NOL4: variants seen among roughly 807,000 people sequenced by gnomAD.
NOL4 encodes nucleolar protein 4, also known as cancer/testis antigen 125.
A neutral mutation model predicts 75.9 loss-of-function variants in NOL4; 17 were observed. That is an observed-to-expected ratio of 0.22 (90% confidence interval 0.15 to 0.34). The LOEUF is 0.34. Ranked by LOEUF, NOL4 falls within the 10% of genes least tolerant of loss-of-function variation. The probability of loss-of-function intolerance (pLI) is 1.00; values close to 1 mark genes in which losing one functional copy is unlikely to be tolerated. For missense variants in NOL4, 614 were observed against 793.5 expected (o/e 0.77, Z 2.72); for synonymous variants, 292 against 289.9 (o/e 1.01, Z -0.07).
intron 5 of NOL4, among the ~76,000 whole-genome samples, chr18:34,059,428 G>A (rs942640954): frequency 4.6e-5 from 7 of 151,838 alleles, no homozygotes; most frequent in Admixed American, 1.3e-4. Context: ...GTTCCTCACT[G>A]ACTGGTTAAT....
intron 1 of NOL4, among the ~76,000 whole-genome samples, chr18:34,218,987 C>A (rs1338653172): frequency 3.9e-5 from 6 of 152,136 alleles, no homozygotes; most frequent in Non-Finnish European, 8.8e-5. Context: ...AGAAAAATAA[C>A]AAAAACAGTT....
At chr18:33,953,651 C>T (rs117100920) in intron 8 of NOL4, among the ~76,000 whole-genome samples, 13 of 152,234 alleles carry the variant, frequency 8.5e-5, no homozygotes, top group Non-Finnish European at 1.0e-4. Flanking sequence ...TCAAGAGGAA[C>T]TTACTGGTGT....
intron 5 of NOL4, among the ~76,000 whole-genome samples, chr18:34,091,234 G>A (rs1362099469): frequency 6.6e-6 from 1 of 151,312 alleles, no homozygotes; most frequent in Admixed American, 6.6e-5. Context: ...GTGGTGGTGT[G>A]TGCCTGTAGC....
intron 2 of NOL4, among the ~76,000 whole-genome samples, chr18:34,108,277 C>T (rs2079409289): frequency 6.6e-6 from 1 of 151,374 alleles, no homozygotes; most frequent in African/African-American, 2.4e-5. Flanking sequence ...AAGGAAGAGA[C>T]CAAGAAAGGA....
intron 6 of NOL4, among the ~76,000 whole-genome samples, chr18:34,012,438 T>C (rs1421796668): frequency 6.6e-6 from 1 of 151,894 alleles, no homozygotes. Context: ...TAAAAAAATG[T>C]ATCCAGTAAT....
intron 9 of NOL4, among the ~76,000 whole-genome samples, chr18:33,887,227 T>C (rs2064797204): frequency 2.0e-5 from 3 of 149,008 alleles, no homozygotes; most frequent in African/African-American, 7.4e-5. Context: ...AAAAAATAAA[T>C]CACAGAAATC....
intron 5 of NOL4, among the ~76,000 whole-genome samples, chr18:34,053,628 A>G (rs2145010821): frequency 6.6e-6 from 1 of 152,034 alleles, no homozygotes; most frequent in East Asian, 1.9e-4. Flanking sequence ...TTCATACATA[A>G]TGTCCAGACT....
At chr18:34,026,678 T>C (rs987301565) in intron 5 of NOL4, among the ~76,000 whole-genome samples, 4 of 152,172 alleles carry the variant, frequency 2.6e-5, no homozygotes, top group Admixed American at 6.6e-5. Flanking sequence ...GATATTATTA[T>C]AAACGATATT....
At position 33,980,156 on chromosome 18, in the gene NOL4, C is replaced by G. The variant is rs913347737; in HGVS notation, c.1057-21738G>C. On this transcript the variant is annotated intron_variant, in intron 6 of 10. Transcript: ENST00000261592. ...CTATTCAAAAAATCAGACAGACAAA[C>G]AGGTAGATAGAGAGAATCACAACTC... Among the ~76,000 whole-genome samples the G allele has an allele frequency of 1.4e-4, 22 of 151,960 alleles. 1 individual carries two copies. The highest frequency in any genetic ancestry group is 7.2e-4 in the Admixed American group (11 of 15,242).
chr18:34,192,229 C>T (rs2034970816), intron 1 of NOL4, among the ~76,000 whole-genome samples: 1 of 152,096 alleles, frequency 6.6e-6, no homozygotes, highest in African/African-American at 2.4e-5. Flanking sequence ...ATTGATGACA[C>T]AAATAAATGA....
chr18:34,209,071 C>T (rs942291856), intron 1 of NOL4, among the ~76,000 whole-genome samples: 7 of 149,818 alleles, frequency 4.7e-5, no homozygotes, highest in South Asian at 2.1e-4. Flanking sequence ...ATTAGCTGGG[C>T]GTGATGGTGG....
chr18:33,958,512 T>C (rs1405981720), intron 6 of NOL4, 94 bp from the exon 7 acceptor site: 17 of 1,169,726 alleles, frequency 1.5e-5, no homozygotes, highest in Non-Finnish European at 4.7e-6. Context: ...TTCTCAAAAA[T>C]CTTGTTTATG....
Position 33,883,277 on chromosome 18 carries a change from C to T in NOL4, c.1690G>A (p.Gly564Ser), listed in dbSNP as rs1231363845. 6 of 1,606,112 alleles carry T rather than the reference C, an allele frequency of 3.7e-6. No individual in the cohort carries two copies. Among genetic ancestry groups the T allele is most frequent in the Non-Finnish European group, 5.1e-6 (6 of 1,177,106 alleles). The part of the protein sequence containing the change: ...SYHSYRGLGG[G>S]LLNLNDASSS... ...GAAGCATCATTCAGATTTAGCAGAC[C>T]CCCTCCTAGCCCTCTGTAACTATGG... Residue 564 changes from glycine (G) to serine (S), a missense_variant, in exon 10 of 11, where the codon GGT becomes AGT. Transcript: ENST00000261592.
chr18:34,179,719 A>G (rs2033870469), intron 1 of NOL4, among the ~76,000 whole-genome samples: 1 of 151,596 alleles, frequency 6.6e-6, no homozygotes, highest in Admixed American at 6.6e-5. Flanking sequence ...CACCATTGTG[A>G]AGGTATTAGG....
intron 1 of NOL4, among the ~76,000 whole-genome samples, chr18:34,181,444 C>A (rs1330636384): frequency 6.6e-6 from 1 of 151,444 alleles, no homozygotes; most frequent in Non-Finnish European, 1.5e-5. Context: ...CACCTAAATG[C>A]AAGTGCTAAA....
chr18:34,181,213 G>A (rs1002925208), intron 1 of NOL4, among the ~76,000 whole-genome samples: 6 of 151,366 alleles, frequency 4.0e-5, no homozygotes, highest in African/African-American at 1.5e-4. Flanking sequence ...GTATTAGAAC[G>A]AAGATAGACA....
chr18:34,049,318 A>G (rs1244090469), intron 5 of NOL4, among the ~76,000 whole-genome samples: 1 of 152,052 alleles, frequency 6.6e-6, no homozygotes, highest in East Asian at 1.9e-4. Context: ...GAAGAGATCT[A>G]GTATCAAGCC....
intron 10 of NOL4, among the ~76,000 whole-genome samples, chr18:33,864,464 C>G (rs907394770): frequency 6.6e-6 from 1 of 152,102 alleles, no homozygotes; most frequent in African/African-American, 2.4e-5. Flanking sequence ...CTCCAGTTCC[C>G]AAGAAGTTTC....
intron 5 of NOL4, among the ~76,000 whole-genome samples, chr18:34,049,277 T>C (rs941975564): frequency 6.6e-6 from 1 of 151,720 alleles, no homozygotes; most frequent in Non-Finnish European, 1.5e-5. Context: ...AAAATAATTA[T>C]AACCGGAATT....
Sources: gnomAD v4.1 joint callset for allele counts (sites outside exome capture counted in the v4.1 genomes callset) on GRCh38, gnomAD v4.1.1 for gene constraint, MANE v1.5 for transcripts, NCBI Gene and HGNC (gene_info 2026-07-23, HGNC 2026-07-21) for gene names.